The following SYNE1 variants were observed in gnomAD, a reference collection of about 807,000 sequenced individuals.
SYNE1 encodes the protein spectrin repeat containing nuclear envelope protein 1.
SYNE1 carries 616 observed loss-of-function variants against 1,111.0 expected under a neutral mutation model. The observed-to-expected ratio is 0.55, with a 90% confidence interval of 0.52 to 0.59. The LOEUF (loss-of-function observed/expected upper bound fraction) is 0.59, where lower values mean the gene tolerates loss of function less well. Ranked by LOEUF, SYNE1 falls within the 20% of genes least tolerant of loss-of-function variation. The probability of loss-of-function intolerance (pLI) is 0.00; values close to 1 mark genes in which losing one functional copy is unlikely to be tolerated. For missense variants in SYNE1, 10,006 were observed against 10,417.0 expected (o/e 0.96, Z 1.72); for synonymous variants, 3,855 against 3,825.8 (o/e 1.01, Z -0.28).
At chr6:152,524,036 T>C (rs1594653920) in intron 5 of SYNE1, among the ~76,000 whole-genome samples, 1 of 152,288 alleles carries the variant, frequency 6.6e-6, no homozygotes, top group Non-Finnish European at 1.5e-5. Context: ...TGGATGCCCC[T>C]TATTTCATTT....
At position 152,407,290 on chromosome 6, in the gene SYNE1, T is replaced by C; in HGVS notation, c.6541-94A>G. On this transcript the variant is annotated intron_variant, in intron 44 of 145. Transcript: ENST00000367255. ...ACCAATGCTTCTTTTATCAGAAAAG[T>C]ATATTCTGACGGACAAACAGTTCCA... 3.2e-6 allele frequency: 4 copies of C among 1,252,674 alleles called. 1 individual carries two copies. The highest frequency in any genetic ancestry group is 4.6e-6 in the Non-Finnish European group (4 of 876,868). The allele number at this position is 1,252,674 out of a possible 1,614,324, so 77.6% of individuals were successfully genotyped here.
intron 3 of SYNE1, among the ~76,000 whole-genome samples, chr6:152,582,351 C>T (rs1422225536): frequency 6.6e-6 from 1 of 152,088 alleles, no homozygotes; most frequent in Non-Finnish European, 1.5e-5. Flanking sequence ...TCACATCTCT[C>T]CTTGTAATAA....
At chr6:152,339,220 T>C (rs763647830) in intron 75 of SYNE1, 21 bp downstream of exon 75, 17 of 1,612,338 alleles carry the variant, frequency 1.1e-5, no homozygotes, top group Non-Finnish European at 1.4e-5. Context: ...ACAAATTCAA[T>C]GTGATTTTTC....
In SYNE1 at chr6:152,242,352, G is replaced by A. The variant is rs772574133; in HGVS notation, c.19781C>T (p.Ala6594Val). 6.2e-7 allele frequency: 1 copy of A among 1,613,864 alleles called. No homozygotes were observed. Among genetic ancestry groups the A allele is most frequent in the South Asian group, 1.1e-5 (1 of 91,050 alleles). ...TAGCAGGTCAGCCAGATCTTGTAGG[G>A]CCCTCTCATACTGACTCTTGAGTGT... ...NLTLKSQYER[A>V]LQDLADLLET... Residue 6594 changes from alanine to valine, a missense_variant, in exon 107 of 146, where the codon GCC becomes GTC. Coordinates refer to ENST00000367255, the MANE Select transcript of SYNE1 (RefSeq NM_182961.4).
Position 152,122,618 on chromosome 6 carries a change from G to C in SYNE1, c.26212C>G (p.Arg8738Gly). The C allele has an allele frequency of 3.7e-6, 6 of 1,614,134 alleles. No individual in the cohort carries two copies. The highest frequency in any genetic ancestry group is 5.1e-6 in the Non-Finnish European group (6 of 1,180,010). The change falls in exon 146 of 146, where the codon CGC becomes GGC. Residue 8738 changes from arginine (R) to glycine (G), a missense_variant. By Grantham distance (125) the Arg-to-Gly change is moderately radical (BLOSUM62 -2). Transcript: ENST00000367255. ...CGGAGGACTCTGAACAGGAAGCCGC[G>C]GCCGGACCGACCTGGCCCTGGCTCA... ...LSEPGPGRSG[R>G]GFLFRVLRAA...
intron 16 of SYNE1, among the ~76,000 whole-genome samples, chr6:152,466,437 G>A (rs910114310): frequency 2.4e-4 from 37 of 152,254 alleles, no homozygotes; most frequent in African/African-American, 6.5e-4. Context: ...TCTCAGCTGC[G>A]GAATTCTGTT....
At chr6:152,444,900 G>C (rs906658217) in intron 29 of SYNE1, among the ~76,000 whole-genome samples, 3 of 152,076 alleles carry the variant, frequency 2.0e-5, no homozygotes, top group Non-Finnish European at 4.4e-5. Context: ...CCCCCCTGTT[G>C]AAGATCATGT....
At position 152,511,721 on chromosome 6, in the gene SYNE1, A is replaced by C; in HGVS notation, c.310-618T>G. 6 of 913,664 alleles carry C rather than the reference A, an allele frequency of 6.6e-6. No individual in the cohort carries two copies. The South Asian group carries it at 9.1e-5, about 14-fold the overall frequency. The allele number at this position is 913,664 out of a possible 1,614,324, so 56.6% of individuals were successfully genotyped here. On this transcript the variant is annotated intron_variant, in intron 6 of 145. Transcript: ENST00000367255. ...AACCTGACTGTGGTAATACGTTTTA[A>C]AGAAAAACAAAGGAAAGGCAAGAAA...
rs886042576 is a variant in SYNE1 at position 152,376,847 on chromosome 6, T to A, written c.9075A>T (p.Glu3025Asp). 5 of 1,614,142 alleles carry A rather than the reference T, an allele frequency of 3.1e-6. No homozygotes were observed. Among genetic ancestry groups the A allele is most frequent in the Non-Finnish European group, 3.4e-6 (4 of 1,180,014 alleles). ...RTEDLKSQLN[E>D]LCRFSRDLST... ...TCAGGTCTCTGGAAAATCGACAAAG[T>A]TCATTCAGCTGAGACTTGAGATCCT... Residue 3025 changes from glutamate (E) to aspartate (D), a missense_variant, in exon 57 of 146, where the codon GAA becomes GAT. By Grantham distance (45) the Glu-to-Asp change is conservative. Coordinates refer to ENST00000367255, the MANE Select transcript of SYNE1 (RefSeq NM_182961.4).
At chr6:152,485,907 A>G (rs549459715) in intron 12 of SYNE1, among the ~76,000 whole-genome samples, 22 of 152,310 alleles carry the variant, frequency 1.4e-4, no homozygotes, top group Admixed American at 1.4e-3. Flanking sequence ...TAAAAATACC[A>G]AAACATAGGC....
chr6:152,383,133 C>T (rs1174211931), intron 55 of SYNE1, among the ~76,000 whole-genome samples: 1 of 152,162 alleles, frequency 6.6e-6, no homozygotes, highest in Non-Finnish European at 1.5e-5. Flanking sequence ...TGGACCTGAA[C>T]TTCTGAGAGG....
intron 115 of SYNE1, among the ~76,000 whole-genome samples, chr6:152,230,145 A>T (rs1175178998): frequency 6.6e-6 from 1 of 151,898 alleles, no homozygotes; most frequent in Non-Finnish European, 1.5e-5. Context: ...CAATCCTCCC[A>T]CCTCAGCCTC....
At position 152,462,660 on chromosome 6, in the gene SYNE1, G is replaced by T; in HGVS notation, c.2250+78C>A. ...CCCAGGAGACACAGAAACAGCTTTT[G>T]CAATGATCTGAATAAACTTGCTGAT... is the stretch of plus-strand genomic sequence containing the variant. On this transcript the variant is annotated intron_variant, in intron 20 of 145. Coordinates refer to ENST00000367255, the MANE Select transcript of SYNE1 (RefSeq NM_182961.4). The T allele has an allele frequency of 2.5e-6, 4 of 1,570,546 alleles. No homozygotes were observed. The African/African-American group carries it at 5.4e-5, about 21-fold the overall frequency.
rs1474294485 is a variant in SYNE1, at chr6:152,514,182, T to G, written c.310-3079A>C. Among the ~76,000 whole-genome samples, 3 of 152,192 alleles carry G rather than the reference T, an allele frequency of 2.0e-5. No individual in the cohort carries two copies. The East Asian group carries it at 5.8e-4, about 29-fold the overall frequency. The stretch of plus-strand genomic sequence containing the variant: ...TACTATAAGGGCACATGCACATGTA[T>G]GTTTACTGCAGCACTATTCACAATA... On this transcript the variant is annotated intron_variant, in intron 6 of 145. Transcript: ENST00000367255.
rs1259419752 is a variant in SYNE1 at position 152,262,034 on chromosome 6, C to G, written c.18970G>C (p.Val6324Leu). Residue 6324 changes from valine (V) to leucine (L), a missense_variant and splice_region_variant, in exon 101 of 146, where the codon GTG becomes CTG. Physicochemically the swap from Val to Leu is conservative, Grantham distance 32 (BLOSUM62 1). This residue lies in a region of SYNE1 where 2,182 missense variants were observed against 2,287.8 expected (regional missense o/e 0.95). Coordinates refer to ENST00000367255, the MANE Select transcript of SYNE1 (RefSeq NM_182961.4). ...QNVLEQEQEQ[V>L]LYSRPNRLLS... Reference sequence around the variant, plus strand: ...ATATAATGTAAAATATTTGATACCACTTGCTCTTGTTCCTGTTCCAGAACA... The same window carrying G: ...ATATAATGTAAAATATTTGATACCAGTTGCTCTTGTTCCTGTTCCAGAACA... The G allele has an allele frequency of 5.6e-6, 9 of 1,612,410 alleles. No homozygotes were observed. The highest frequency in any genetic ancestry group is 1.3e-5 in the African/African-American group (1 of 75,002).
At position 152,433,783 on chromosome 6, in the gene SYNE1, T is replaced by C. The variant is rs746730802; in HGVS notation, c.4461+12A>G. ...AGACATGGATTATAAATATAATGTGTGAGCAGGTCACCTTAATTTGGCTGA... is the reference window on the plus strand; with the variant it reads ...AGACATGGATTATAAATATAATGTGCGAGCAGGTCACCTTAATTTGGCTGA... On this transcript the variant is annotated intron_variant, in intron 34 of 145. Transcript: ENST00000367255. The C allele has an allele frequency of 8.1e-6, 13 of 1,613,582 alleles. No homozygotes were observed. Among genetic ancestry groups the C allele is most frequent in the Non-Finnish European group, 1.1e-5 (13 of 1,179,594 alleles).
chr6:152,289,654 T>A (rs1437290929), intron 95 of SYNE1, among the ~76,000 whole-genome samples: 1 of 152,058 alleles, frequency 6.6e-6, no homozygotes, highest in Non-Finnish European at 1.5e-5. Context: ...TGAGACGGAG[T>A]CTCGCTCTGT....
chr6:152,367,331 G>T lies in SYNE1; in HGVS notation c.9859C>A (p.Leu3287Ile). ...RIVAEHNQFSLGIKELQDWMT... is the reference protein window; with the variant it reads ...RIVAEHNQFSIGIKELQDWMT... ...CAGTCTTGTAATTCTTTAATCCCAA[G>T]AGAGAACTGATTGTGTTCTGCAACG... Residue 3287 changes from leucine (L) to isoleucine (I), a missense_variant, in exon 62 of 146, where the codon CTT (leucine) becomes ATT (isoleucine). Physicochemically the swap from Leu to Ile is conservative, Grantham distance 5 (BLOSUM62 2). Coordinates refer to ENST00000367255, the MANE Select transcript of SYNE1 (RefSeq NM_182961.4). 6.2e-7 allele frequency: 1 copy of T among 1,614,146 alleles called. No individual in the cohort carries two copies.
At chr6:152,281,157 T>C (rs533513928) in intron 97 of SYNE1, among the ~76,000 whole-genome samples, 39 of 152,354 alleles carry the variant, frequency 2.6e-4, no homozygotes, top group African/African-American at 5.3e-4. Context: ...AAGATCATCA[T>C]TGAAGTTTGA....
Sources: allele counts gnomAD v4.1 joint callset (sites outside exome capture counted in the v4.1 genomes callset), GRCh38; gene constraint gnomAD v4.1.1; regional missense constraint gnomAD v4.1.1; transcripts MANE v1.5; gene names NCBI Gene and HGNC (gene_info 2026-07-23, HGNC 2026-07-21).